Variants in ABI3BP observed in about 807,000 individuals in gnomAD.
ABI3BP encodes target of Nesh-SH3.
In ABI3BP, 216 loss-of-function variants were observed where a neutral mutation model predicts 268.6. That is an observed-to-expected ratio of 0.80 (90% CI 0.72 to 0.90). The LOEUF (loss-of-function observed/expected upper bound fraction) is 0.90. ABI3BP is among the 40% of genes least tolerant of loss of function. The pLI, the probability that ABI3BP is intolerant of heterozygous loss-of-function variation, is 0.00. For synonymous variants in ABI3BP, 730 were observed against 730.0 expected (o/e 1.00, Z 0.00); for missense variants, 2,090 against 2,182.4 (o/e 0.96, Z 0.84).
chr3:100,985,387 G>A (rs967972393), intron 1 of ABI3BP, among the ~76,000 whole-genome samples: 1 of 151,922 alleles, frequency 6.6e-6, no homozygotes, highest in Non-Finnish European at 1.5e-5. Flanking sequence ...CTGACCTCGT[G>A]ATCCGCCCGC....
chr3:100,931,000 A>G (rs1225650598), intron 1 of ABI3BP: 2 of 152,194 alleles, frequency 1.3e-5, no homozygotes, highest in Admixed American at 1.3e-4. Context: ...GCCATGATCA[A>G]GTAGGCTTTA....
chr3:100,837,392 T>C (rs138970150), intron 26 of ABI3BP: 2 of 445,320 alleles, frequency 4.5e-6, no homozygotes, highest in African/African-American at 2.0e-5. Context: ...TGCAAAACAG[T>C]TGGATTCTGA....
At chr3:100,872,759 T>C (rs776004097) in intron 9 of ABI3BP, among the ~76,000 whole-genome samples, 4 of 152,126 alleles carry the variant, frequency 2.6e-5, no homozygotes, top group Non-Finnish European at 4.4e-5. Context: ...ATTTACATGA[T>C]GTAGGGTTGG....
Position 100,749,315 on chromosome 3 carries a change from T to TAACA in ABI3BP, c.*1176_*1179dup, listed in dbSNP as rs201734724. The TAACA allele has an allele frequency of 0.017, 1,155 of 69,796 alleles. 10 individuals carry two copies. The highest frequency in any genetic ancestry group is 0.069 in the African/African-American group (927 of 13,488). The allele number at this position is 69,796 out of a possible 1,614,324, so 4.3% of individuals were successfully genotyped here. On this transcript the variant is annotated 3_prime_UTR_variant, in exon 68 of 68. Transcript: ENST00000471714. ...AACATACTGATGAACCATTCAGAAA[T>TAACA]AACAAACAAAAACTCAATCTTAAAA...
chr3:100,796,376 T>C (rs775863201), intron 52 of ABI3BP, 33 bp downstream of exon 52: 1 of 1,518,482 alleles, frequency 6.6e-7, no homozygotes, highest in East Asian at 2.3e-5. Context: ...AAAAATATAC[T>C]TCTTAGCCAG....
intron 4 of ABI3BP, among the ~76,000 whole-genome samples, chr3:100,894,925 C>T (rs1378689162): frequency 4.4e-4 from 24 of 54,888 alleles, no homozygotes; most frequent in African/African-American, 1.2e-3. Flanking sequence ...GGCGACAGAG[C>T]GGGATTCCGC....
At chr3:100,887,670 C>A (rs1446913668) in intron 4 of ABI3BP, among the ~76,000 whole-genome samples, 1 of 152,036 alleles carries the variant, frequency 6.6e-6, no homozygotes, top group Admixed American at 6.6e-5. Flanking sequence ...AAGGTTAGTA[C>A]CTTTCCTCCA....
intron 1 of ABI3BP, among the ~76,000 whole-genome samples, chr3:100,951,689 A>C (rs966301748): frequency 6.6e-6 from 1 of 151,950 alleles, no homozygotes; most frequent in Non-Finnish European, 1.5e-5. Flanking sequence ...CACCTTGCTC[A>C]AAACCCGCAT....
At chr3:100,789,584 T>C in intron 55 of ABI3BP, 68 bp from the exon 56 acceptor site, 1 of 1,466,388 alleles carries the variant, frequency 6.8e-7, no homozygotes, top group Non-Finnish European at 9.3e-7. Context: ...AGATTTAGCA[T>C]CCTAGGGACC....
intron 9 of ABI3BP, among the ~76,000 whole-genome samples, chr3:100,870,106 G>T (rs1159775205): frequency 3.9e-5 from 6 of 152,084 alleles, no homozygotes; most frequent in African/African-American, 1.4e-4. Context: ...TTTTTGAGTT[G>T]CAGTGATAAT....
chr3:100,931,862 A>C (rs1164079586), intron 1 of ABI3BP, among the ~76,000 whole-genome samples: 1 of 151,948 alleles, frequency 6.6e-6, no homozygotes, highest in African/African-American at 2.4e-5. Flanking sequence ...CTATTCTAAA[A>C]TTCATATGGA....
intron 1 of ABI3BP, among the ~76,000 whole-genome samples, chr3:100,945,018 G>A (rs564974069): frequency 6.6e-6 from 1 of 152,232 alleles, no homozygotes; most frequent in African/African-American, 2.4e-5. Context: ...TAGGTCGGCT[G>A]TCTTCTCTAA....
chr3:100,787,789 T>G lies in ABI3BP; in HGVS notation c.4101A>C (p.Thr1367=). The change falls in exon 57 of 68, where the codon ACA becomes ACC. Residue 1367 remains threonine, a synonymous_variant. Coordinates refer to ENST00000471714, the MANE Select transcript of ABI3BP (RefSeq NM_001375547.2). The part of the protein sequence containing the change: ...KPHIRPVLNR[T]TTRPTRPKPS... ...GTTTGGGCCTAGTAGGTCTTGTAGT[T>G]GTCCTATTCAGAACTAAAATAAAGT... is the stretch of plus-strand genomic sequence containing the variant. The G allele has an allele frequency of 5.2e-6, 8 of 1,528,804 alleles. No individual in the cohort carries two copies. Among genetic ancestry groups the G allele is most frequent in the Non-Finnish European group, 7.0e-6 (8 of 1,143,664 alleles). 94.7% of individuals were successfully genotyped at this position (1,528,804 alleles called of 1,614,324 possible).
intron 1 of ABI3BP, among the ~76,000 whole-genome samples, chr3:100,940,100 C>T (rs998420752): frequency 6.6e-6 from 1 of 151,746 alleles, no homozygotes; most frequent in African/African-American, 2.4e-5. Flanking sequence ...TTCAAGGTGC[C>T]CAGATTTCAT....
intron 1 of ABI3BP, among the ~76,000 whole-genome samples, chr3:100,951,181 T>A (rs2074818427): frequency 6.6e-6 from 1 of 151,818 alleles, no homozygotes; most frequent in African/African-American, 2.4e-5. Context: ...TTCCCATAAC[T>A]CCTCTCTAGC....
chr3:100,975,535 G>A (rs1445761355), intron 1 of ABI3BP, among the ~76,000 whole-genome samples: 3 of 152,192 alleles, frequency 2.0e-5, no homozygotes, highest in East Asian at 3.9e-4. Context: ...TTGGGACGAT[G>A]CTTTTAGACC....
intron 1 of ABI3BP, among the ~76,000 whole-genome samples, chr3:100,989,865 G>C (rs1333675973): frequency 1.3e-5 from 2 of 152,212 alleles, no homozygotes; most frequent in Non-Finnish European, 2.9e-5. Flanking sequence ...CTGGAGCACA[G>C]GGGCTTCCAA....
chr3:100,814,403 C>A lies in ABI3BP; in HGVS notation c.3290-668G>T, dbSNP rs375961308. ...TCACCATCCCCTTAGCCACCATTGA[C>A]AAGTATTGATACTTGTTTTATTTGT... On this transcript the variant is annotated intron_variant, in intron 44 of 67. Transcript: ENST00000471714. 5.3e-5 allele frequency among the ~76,000 whole-genome samples: 8 copies of A among 152,200 alleles called. No homozygotes were observed. The East Asian group carries it at 1.2e-3, about 22-fold the overall frequency.
At chr3:100,790,731 G>C (rs1483286655) in intron 55 of ABI3BP, among the ~76,000 whole-genome samples, 5 of 151,960 alleles carry the variant, frequency 3.3e-5, no homozygotes, top group Admixed American at 3.3e-4. Context: ...CCAAGTTTGA[G>C]ATGGTGGGAT....
Sources: allele counts gnomAD v4.1 joint callset (sites outside exome capture counted in the v4.1 genomes callset), GRCh38; gene constraint gnomAD v4.1.1; transcripts MANE v1.5; gene names NCBI Gene and HGNC (gene_info 2026-07-23, HGNC 2026-07-21).